The following SGSM3 variants were observed in gnomAD, a reference collection of about 807,000 sequenced individuals.
SGSM3 encodes the protein RUN and SH3 containing 3.
A neutral mutation model predicts 100.5 loss-of-function variants in SGSM3; 96 were observed. That is an observed-to-expected ratio of 0.96 (90% confidence interval 0.81 to 1.13). The LOEUF is 1.13. SGSM3 is among the 50% of genes most tolerant of loss of function. The pLI, the probability that SGSM3 is intolerant of heterozygous loss-of-function variation, is 0.00. For missense variants in SGSM3, 1,001 were observed against 1,015.8 expected (o/e 0.99, Z 0.20); for synonymous variants, 483 against 422.8 (o/e 1.14, Z -1.75).
In SGSM3 at chr22:40,394,994, G is replaced by A. The variant is rs6001899; in HGVS notation, c.-111-5702G>A. 1.6e-3 allele frequency among the ~76,000 whole-genome samples: 236 copies of A among 152,232 alleles called. 2 individuals are homozygous for A. Among genetic ancestry groups the A allele is most frequent in the African/African-American group, 5.4e-3 (224 of 41,530 alleles). On this transcript the variant is annotated intron_variant, in intron 1 of 21. Coordinates refer to ENST00000248929, the MANE Select transcript of SGSM3 (RefSeq NM_015705.6). Reference sequence around the variant, plus strand: ...CTGGCATTTATTAAGCACATGCCACGTGCTGAATATTGTTACAAGTACTAC... The same window carrying A: ...CTGGCATTTATTAAGCACATGCCACATGCTGAATATTGTTACAAGTACTAC...
chr22:40,388,292 TAGA>T (rs1453667451), intron 1 of SGSM3: 1 of 152,284 alleles, frequency 6.6e-6, no homozygotes, highest in Non-Finnish European at 1.5e-5. Flanking sequence ...GAGTCAGTTC[TAGA>T]AGTTCTGTGC....
Position 40,407,948 on chromosome 22 carries a change from G to A in SGSM3, c.1579+105G>A. ...CCAAGCTGTTCTCCTCTATACACCT[G>A]CCTGGCTTGAGGTCCCTGAAGCAGC... On this transcript the variant is annotated intron_variant, in intron 14 of 21. Transcript: ENST00000248929. The surrounding 1 kb of genome is among the most constrained non-coding windows in gnomAD (Gnocchi z 4.7). 2 of 1,454,476 alleles carry A rather than the reference G, an allele frequency of 1.4e-6. No homozygotes were observed. Among genetic ancestry groups the A allele is most frequent in the Non-Finnish European group, 1.9e-6 (2 of 1,057,996 alleles). 90.1% of individuals were successfully genotyped at this position (1,454,476 alleles called of 1,614,324 possible).
chr22:40,405,197 T>G lies in SGSM3; in HGVS notation c.531T>G (p.Gly177=). ...MPSNACFASM[G]SIGVPRLRRV... ...GCAACGCCTGCTTCGCCAGCATGGG[T>G]AGCATCGGGGTGCCCCGCCTGCGCA... is the stretch of plus-strand genomic sequence containing the variant. Residue 177 remains glycine (G), a synonymous_variant, in exon 7 of 22, where the codon GGT becomes GGG. Coordinates refer to ENST00000248929, the MANE Select transcript of SGSM3 (RefSeq NM_015705.6). 6.3e-7 allele frequency: 1 copy of G among 1,585,510 alleles called. No homozygotes were observed. Among genetic ancestry groups the G allele is most frequent in the Non-Finnish European group, 8.6e-7 (1 of 1,164,904 alleles).
rs1220883574 is a variant in SGSM3, at chr22:40,409,482, C to T, written c.2129C>T (p.Ala710Val). Residue 710 changes from alanine to valine, a missense_variant, in exon 21 of 22, where the codon GCC (alanine) becomes GTC (valine). Coordinates refer to ENST00000248929, the MANE Select transcript of SGSM3 (RefSeq NM_015705.6). ...ACCTCTAGAGTCCTCTGCTGCTTTG[C>T]CTTCAGCCTCTCCCAGGACTGGGAG... ...KCELRVLCCF[A>V]FSLSQDWELP... 1.6e-5 allele frequency: 26 copies of T among 1,585,516 alleles called. No individual in the cohort carries two copies. The highest frequency in any genetic ancestry group is 2.2e-5 in the Non-Finnish European group (26 of 1,165,706).
At position 40,402,445 on chromosome 22, in the gene SGSM3, G is replaced by A. The variant is rs189699774; in HGVS notation, c.157+240G>A. On this transcript the variant is annotated intron_variant, in intron 4 of 21. Transcript: ENST00000248929. ...AAGCAATCGTGTTCACTGTAGAGAA[G>A]TTGAAAAATTCAGGCTGGACGTGGT... Among the ~76,000 whole-genome samples the A allele has an allele frequency of 7.2e-5, 11 of 152,270 alleles. No individual in the cohort carries two copies. The East Asian group carries it at 1.7e-3, about 24-fold the overall frequency.
chr22:40,402,320 A>C, intron 4 of SGSM3, 115 bp downstream of exon 4: 1 of 799,660 alleles, frequency 1.3e-6, no homozygotes, highest in Non-Finnish European at 2.2e-6. Context: ...TCAGGGTTCC[A>C]GATTTAAGGA....
rs1215904027 is a variant in SGSM3 at position 40,408,623 on chromosome 22, A to G, written c.1783-4A>G. ...TGCACTCACACCGTGTGCTGTCCCCACAGGCTGCAGGCCGGGAGGTCGAGA... is the reference window on the plus strand; with the variant it reads ...TGCACTCACACCGTGTGCTGTCCCCGCAGGCTGCAGGCCGGGAGGTCGAGA... On this transcript the variant is annotated splice_polypyrimidine_tract_variant and splice_region_variant and intron_variant, in intron 16 of 21. Transcript: ENST00000248929. 6.2e-7 allele frequency: 1 copy of G among 1,613,810 alleles called. No homozygotes were observed. Among genetic ancestry groups the G allele is most frequent in the East Asian group, 2.2e-5 (1 of 44,868 alleles).
Position 40,406,640 on chromosome 22 carries a change from G to T in SGSM3, c.1163G>T (p.Gly388Val). 6.2e-7 allele frequency: 1 copy of T among 1,606,772 alleles called. No individual in the cohort carries two copies. Among genetic ancestry groups the T allele is most frequent in the East Asian group, 2.2e-5 (1 of 44,662 alleles). The change falls in exon 10 of 22, where the codon GGC (glycine) becomes GTC (valine). Residue 388 changes from glycine (G) to valine (V), a missense_variant. Coordinates refer to ENST00000248929, the MANE Select transcript of SGSM3 (RefSeq NM_015705.6). ...IADQGQLLGA[G>V]TLTNLSQVVR... The stretch of plus-strand genomic sequence containing the variant: ...GACCAGGGCCAGCTCCTGGGGGCCG[G>T]CACCCTCACCAACCTCTCTCAGGTG...
intron 1 of SGSM3, among the ~76,000 whole-genome samples, chr22:40,383,483 AG>A (rs2047925721): frequency 6.7e-6 from 1 of 148,892 alleles, no homozygotes; most frequent in African/African-American, 2.5e-5. Context: ...AAAAAAAAAA[AG>A]TCAGTAGGAA....
intron 1 of SGSM3, among the ~76,000 whole-genome samples, chr22:40,380,557 G>A (rs1601770549): frequency 6.6e-6 from 1 of 151,896 alleles, no homozygotes; most frequent in South Asian, 2.1e-4. Context: ...AATAGAGATG[G>A]GTTTTCACCA....
At chr22:40,388,624 C>A (rs943472150) in intron 1 of SGSM3, among the ~76,000 whole-genome samples, 9 of 152,058 alleles carry the variant, frequency 5.9e-5, no homozygotes, top group African/African-American at 2.2e-4. Context: ...TCTGTGGCTG[C>A]AGGGTAGAGA....
At chr22:40,409,424 T>C (rs1001834478) in intron 20 of SGSM3, 41 bp from the exon 21 acceptor site, 1 of 1,567,558 alleles carries the variant, frequency 6.4e-7, no homozygotes, top group African/African-American at 1.4e-5. Context: ...AAGGGCTAGC[T>C]GGGGGTGACA....
intron 6 of SGSM3, 71 bp downstream of exon 6, chr22:40,404,735 G>A: frequency 9.0e-7 from 1 of 1,111,350 alleles, no homozygotes; most frequent in East Asian, 2.5e-5. Flanking sequence ...GAGCCTGCCT[G>A]GGGTTCTTAG....
chr22:40,395,325 CT>C (rs777306889), intron 1 of SGSM3, among the ~76,000 whole-genome samples: 534 of 140,912 alleles, frequency 3.8e-3, no homozygotes, highest in Non-Finnish European at 3.9e-3. Context: ...CCCCATAACT[CT>C]TTTTTTTTTT....
intron 10 of SGSM3, 93 bp downstream of exon 10, chr22:40,406,755 A>C (rs1602100954): frequency 8.9e-7 from 1 of 1,127,092 alleles, no homozygotes; most frequent in South Asian, 1.3e-5. Context: ...CGGAAAACAA[A>C]CCAGCCCTTC....
At chr22:40,385,779 G>A (rs1288535541) in intron 1 of SGSM3, among the ~76,000 whole-genome samples, 2 of 152,204 alleles carry the variant, frequency 1.3e-5, no homozygotes, top group East Asian at 1.9e-4. Flanking sequence ...CTGAGCAACC[G>A]TGAAGATAAA....
rs192967851 is a variant in SGSM3 at position 40,376,637 on chromosome 22, A to G, written c.-112+5949A>G. 1.4e-4 allele frequency: 22 copies of G among 152,148 alleles called. No individual in the cohort carries two copies. The East Asian group carries it at 3.7e-3, about 25-fold the overall frequency. 9.4% of individuals were successfully genotyped at this position (152,148 alleles called of 1,614,324 possible). Reference sequence around the variant, plus strand: ...GTATTAACTCACAATCCTCACATCAACCCTATGTATTGCTAGTATTATGCC... The same window carrying G: ...GTATTAACTCACAATCCTCACATCAGCCCTATGTATTGCTAGTATTATGCC... On this transcript the variant is annotated intron_variant, in intron 1 of 21. Coordinates refer to ENST00000248929, the MANE Select transcript of SGSM3 (RefSeq NM_015705.6).
chr22:40,401,975 G>C (rs1329524307), intron 3 of SGSM3, among the ~76,000 whole-genome samples, 164 bp from the exon 4 acceptor site: 2 of 152,234 alleles, frequency 1.3e-5, no homozygotes, highest in Non-Finnish European at 2.9e-5. Context: ...AAGGTTCAGA[G>C]AAGGTTGCGT....
At chr22:40,409,204 A>G in intron 19 of SGSM3, 46 bp from the exon 20 acceptor site, 1 of 1,560,344 alleles carries the variant, frequency 6.4e-7, no homozygotes, top group Non-Finnish European at 8.6e-7. Flanking sequence ...TGCAGCCAGA[A>G]GGGCCTGGAG....
Sources: allele counts gnomAD v4.1 joint callset (sites outside exome capture counted in the v4.1 genomes callset), GRCh38; gene constraint gnomAD v4.1.1; non-coding constraint Gnocchi (gnomAD v3.1); transcripts MANE v1.5; gene names NCBI Gene and HGNC (gene_info 2026-07-23, HGNC 2026-07-21).